SPATA9: variants seen among roughly 807,000 people sequenced by gnomAD.
SPATA9 encodes spermatogenesis associated 9, also known as spermatogenesis-associated protein 9.
Under a neutral mutation model 25.5 loss-of-function variants are expected in SPATA9, and 27 were observed. The ratio of observed to expected loss-of-function variants is 1.06; its 90% CI spans 0.78 to 1.46. The LOEUF (loss-of-function observed/expected upper bound fraction) is 1.46. Among genes scored for constraint, SPATA9 ranks in the 40% most tolerant of loss-of-function variants. The probability of loss-of-function intolerance (pLI) is 0.00; values close to 1 mark genes in which losing one functional copy is unlikely to be tolerated. For synonymous variants in SPATA9, 102 were observed against 105.7 expected (o/e 0.97, Z 0.21); for missense variants, 282 against 297.5 (o/e 0.95, Z 0.38).
At chr5:95,674,668 A>G in intron 3 of SPATA9, 1 of 425,394 alleles carries the variant, frequency 2.4e-6, no homozygotes, top group Non-Finnish European at 4.7e-6. Context: ...AAGGATCCGG[A>G]AGGTATCGTT....
intron 1 of SPATA9, among the ~76,000 whole-genome samples, chr5:95,688,595 G>A (rs7710302): frequency 0.23 from 34,296 of 152,104 alleles, 4,844 homozygotes; most frequent in African/African-American, 0.41. Context: ...AGGCCATTAT[G>A]TTAAGTGAAA....
At chr5:95,731,519 C>G in the SPATA9 span, 2 of 1,262,406 alleles carry the variant, frequency 1.6e-6, no homozygotes, top group Non-Finnish European at 2.0e-6. Flanking sequence ...CTGGCTGGCG[C>G]GGCCCCGGCC....
chr5:95,716,799 T>C, the SPATA9 span, among the ~76,000 whole-genome samples: 2 of 152,178 alleles, frequency 1.3e-5, no homozygotes, highest in African/African-American at 4.8e-5. Context: ...AGGGACCCAG[T>C]GGGAGGTAAC....
chr5:95,656,279 A>G (rs761943983), downstream of SPATA9: 2 of 1,612,494 alleles, frequency 1.2e-6, no homozygotes, highest in Non-Finnish European at 1.7e-6. Context: ...ATGCCACTGG[A>G]GACTTCAAAG....
chr5:95,663,914 T>C, intron 4 of SPATA9, 39 bp downstream of exon 4: 3 of 1,168,436 alleles, frequency 2.6e-6, no homozygotes, highest in Non-Finnish European at 3.6e-6. Context: ...ACAAAATAAG[T>C]AGATTTATTT....
the SPATA9 span, chr5:95,731,656 C>T: frequency 1.2e-6 from 2 of 1,613,050 alleles, no homozygotes; most frequent in Non-Finnish European, 8.5e-7. Flanking sequence ...TTCTCCGAGT[C>T]GCCGCCCTGC....
the SPATA9 span, among the ~76,000 whole-genome samples, chr5:95,721,834 C>G: frequency 6.6e-6 from 1 of 151,956 alleles, no homozygotes; most frequent in Non-Finnish European, 1.5e-5. Context: ...AATGTTTCAG[C>G]TAGGTGATCT....
At chr5:95,675,819 CTTTTT>C (rs33943918) in intron 2 of SPATA9, among the ~76,000 whole-genome samples, 180 bp from the exon 3 acceptor site, 3 of 108,028 alleles carry the variant, frequency 2.8e-5, no homozygotes, top group Admixed American at 1.1e-4. Flanking sequence ...GTACTTAAAC[CTTTTT>C]TTTTTTTTTT....
At chr5:95,728,796 A>G in the SPATA9 span, among the ~76,000 whole-genome samples, 9 of 152,218 alleles carry the variant, frequency 5.9e-5, no homozygotes, top group Non-Finnish European at 7.3e-5. Context: ...CACAGGATAC[A>G]GGTCACAAAG....
chr5:95,661,907 G>T (rs1486356855), intron 4 of SPATA9, among the ~76,000 whole-genome samples: 1 of 151,800 alleles, frequency 6.6e-6, no homozygotes, highest in African/African-American at 2.4e-5. Flanking sequence ...ATTAACAAAT[G>T]TGTAAGAATG....
downstream of SPATA9, chr5:95,655,908 C>A (rs936976578): frequency 1.4e-6 from 1 of 715,482 alleles, no homozygotes; most frequent in African/African-American, 1.8e-5. Flanking sequence ...CTGCTTTATG[C>A]TGAATAATTT....
the SPATA9 span, among the ~76,000 whole-genome samples, chr5:95,709,931 C>G: frequency 2.0e-5 from 3 of 152,142 alleles, no homozygotes; most frequent in African/African-American, 7.2e-5. Flanking sequence ...TTTTGATAGC[C>G]TTTCCTGCTG....
the SPATA9 span, chr5:95,731,480 C>T: frequency 8.2e-7 from 1 of 1,226,972 alleles, no homozygotes; most frequent in Non-Finnish European, 1.0e-6. Context: ...CCCCCGCCCG[C>T]TAGCCCGCCC....
chr5:95,664,111 T>C (rs566833081), intron 3 of SPATA9, 63 bp from the exon 4 acceptor site: 30 of 892,814 alleles, frequency 3.4e-5, no homozygotes, highest in Non-Finnish European at 4.9e-5. Context: ...TGTCATATTG[T>C]ACAATGTTAC....
the SPATA9 span, among the ~76,000 whole-genome samples, chr5:95,713,333 C>T: frequency 2.6e-5 from 4 of 151,826 alleles, no homozygotes; most frequent in Admixed American, 1.3e-4. Context: ...AATTGTAATT[C>T]CCAGTGTTGG....
the SPATA9 span, among the ~76,000 whole-genome samples, chr5:95,707,281 A>T: frequency 2.0e-5 from 3 of 152,212 alleles, no homozygotes; most frequent in African/African-American, 7.2e-5. Context: ...AAGAAAAGAG[A>T]GTGATTAACA....
chr5:95,675,775 GTCCCCCC>G, intron 2 of SPATA9, 136 bp from the exon 3 acceptor site: 1 of 577,378 alleles, frequency 1.7e-6, no homozygotes, highest in Non-Finnish European at 2.9e-6. Context: ...CAATATTTCT[GTCCCCCC>G]ATGAAACCCC....
At chr5:95,731,346 G>T in the SPATA9 span, 2 of 1,118,634 alleles carry the variant, frequency 1.8e-6, no homozygotes, top group Non-Finnish European at 2.2e-6. Context: ...AGCAGGAGGC[G>T]ACAGCTGCCA....
chr5:95,728,709 C>T, the SPATA9 span, among the ~76,000 whole-genome samples: 5 of 152,138 alleles, frequency 3.3e-5, no homozygotes, highest in Admixed American at 1.3e-4. Context: ...AGGCTGGGTA[C>T]ACTAAGGCTG....
Sources: gnomAD v4.1 joint callset for allele counts (sites outside exome capture counted in the v4.1 genomes callset) on GRCh38, gnomAD v4.1.1 for gene constraint, MANE v1.5 for transcripts, NCBI Gene and HGNC (gene_info 2026-07-23, HGNC 2026-07-21) for gene names.